Variants in EYS observed in about 807,000 individuals in gnomAD.
EYS encodes protein eyes shut homolog.
Under a neutral mutation model 282.1 loss-of-function variants are expected in EYS, and 250 were observed. That is an observed-to-expected ratio of 0.89 (90% CI 0.80 to 0.98). The LOEUF (loss-of-function observed/expected upper bound fraction) is 0.98. Ranked by LOEUF, EYS falls within the 50% of genes least tolerant of loss-of-function variation. EYS has a pLI of 0.00. For synonymous variants in EYS, 1,355 were observed against 1,282.9 expected (o/e 1.06, Z -1.20); for missense variants, 4,016 against 3,709.0 (o/e 1.08, Z -2.15).
At chr6:65,121,658 A>G (rs1490005891) in intron 12 of EYS, among the ~76,000 whole-genome samples, 1 of 152,170 alleles carries the variant, frequency 6.6e-6, no homozygotes, top group East Asian at 1.9e-4. Context: ...TTACTTTAGC[A>G]GTGAATGGCC....
intron 5 of EYS, among the ~76,000 whole-genome samples, chr6:65,481,933 T>C (rs1219693241): frequency 6.6e-6 from 1 of 152,108 alleles, no homozygotes; most frequent in East Asian, 1.9e-4. Context: ...CCAATAAATC[T>C]ATGGAGGATT....
chr6:65,019,136 A>G (rs1407612410), intron 13 of EYS, among the ~76,000 whole-genome samples: 3 of 152,172 alleles, frequency 2.0e-5, no homozygotes, highest in Non-Finnish European at 4.4e-5. Context: ...TTAGATTAAG[A>G]TAAACCCATT....
intron 36 of EYS, among the ~76,000 whole-genome samples, chr6:63,856,872 T>C (rs1308275781): frequency 6.6e-6 from 1 of 152,134 alleles, no homozygotes; most frequent in Non-Finnish European, 1.5e-5. Context: ...GAAATCCTGG[T>C]TTTGTTTGAG....
intron 2 of EYS, among the ~76,000 whole-genome samples, chr6:65,560,227 A>G (rs1768987889): frequency 6.9e-6 from 1 of 145,364 alleles, no homozygotes; most frequent in South Asian, 2.1e-4. Context: ...AAATATAATT[A>G]TAATATATTA....
At chr6:64,274,262 G>C (rs1441017023) in intron 30 of EYS, among the ~76,000 whole-genome samples, 2 of 152,052 alleles carry the variant, frequency 1.3e-5, no homozygotes, top group Admixed American at 1.3e-4. Context: ...TGCAACCTGT[G>C]TCTCCTGGGT....
intron 12 of EYS, among the ~76,000 whole-genome samples, chr6:65,254,540 A>T (rs1767410108): frequency 6.6e-6 from 1 of 151,916 alleles, no homozygotes; most frequent in African/African-American, 2.4e-5. Flanking sequence ...AAATTGATAG[A>T]CACAGAACTG....
In EYS at chr6:65,384,500, G is replaced by T; in HGVS notation, c.1185C>A (p.Ser395Arg). 6.9e-6 allele frequency: 10 copies of T among 1,444,868 alleles called. No individual in the cohort carries two copies. Among genetic ancestry groups the T allele is most frequent in the Non-Finnish European group, 7.8e-6 (8 of 1,029,136 alleles). The allele number at this position is 1,444,868 out of a possible 1,614,324, so 89.5% of individuals were successfully genotyped here. Reference protein sequence around the residue: ...CKKCEKDYPCSCISGFTEKNC... With the variant: ...CKKCEKDYPCRCISGFTEKNC... ...TTTTTTCAGTAAATCCTGATATACA[G>T]CTGTAAATACATCAGTGTAAATTAG... The change falls in exon 8 of 43, where the codon AGC becomes AGA. Residue 395 changes from serine to arginine, a missense_variant and splice_region_variant. Transcript: ENST00000503581.
intron 6 of EYS, among the ~76,000 whole-genome samples, chr6:65,404,856 C>T (rs933643683): frequency 2.0e-5 from 3 of 151,578 alleles, no homozygotes; most frequent in African/African-American, 4.8e-5. Context: ...GAAATATTTC[C>T]TACTCTTATT....
chr6:65,419,116 A>AT (rs35524186), intron 5 of EYS, among the ~76,000 whole-genome samples: 92 of 150,920 alleles, frequency 6.1e-4, no homozygotes, highest in Non-Finnish European at 1.1e-3. Flanking sequence ...TAAGGCAGTC[A>AT]TTTTTTTTTC....
chr6:65,138,420 G>T (rs1776083243), intron 12 of EYS, among the ~76,000 whole-genome samples: 1 of 151,894 alleles, frequency 6.6e-6, no homozygotes, highest in African/African-American at 2.4e-5. Flanking sequence ...GTAAAAATAA[G>T]AATTATTAAA....
intron 22 of EYS, among the ~76,000 whole-genome samples, chr6:64,701,431 A>G (rs1335138165): frequency 6.6e-6 from 1 of 152,100 alleles, no homozygotes; most frequent in Admixed American, 6.5e-5. Flanking sequence ...ATACTATGCA[A>G]CTGAATAGAG....
intron 13 of EYS, among the ~76,000 whole-genome samples, chr6:65,025,709 A>G (rs1772387996): frequency 6.6e-6 from 1 of 152,152 alleles, no homozygotes; most frequent in Admixed American, 6.5e-5. Flanking sequence ...GTGAGACATC[A>G]TCTCAAAAAA....
At chr6:63,990,310 G>C (rs189202073) in intron 34 of EYS, among the ~76,000 whole-genome samples, 161 of 151,698 alleles carry the variant, frequency 1.1e-3, no homozygotes, top group African/African-American at 3.6e-3. Flanking sequence ...TTAGAAAACA[G>C]TTAAGAGGGT....
intron 35 of EYS, among the ~76,000 whole-genome samples, chr6:63,972,566 G>A (rs1354251556): frequency 1.3e-5 from 2 of 151,934 alleles, no homozygotes; most frequent in Non-Finnish European, 2.9e-5. Context: ...TATACTTTAA[G>A]TTCCTGGATA....
intron 22 of EYS, among the ~76,000 whole-genome samples, chr6:64,635,368 G>T (rs531751228): frequency 6.6e-6 from 1 of 152,142 alleles, no homozygotes; most frequent in Non-Finnish European, 1.5e-5. Flanking sequence ...TGTTGAATAG[G>T]AGTGGTGAGA....
chr6:64,128,144 T>G (rs1271705756), intron 31 of EYS, among the ~76,000 whole-genome samples: 1 of 152,144 alleles, frequency 6.6e-6, no homozygotes, highest in African/African-American at 2.4e-5. Context: ...ACTTCTGATG[T>G]GTACAGAGCT....
intron 2 of EYS, among the ~76,000 whole-genome samples, chr6:65,639,493 A>G (rs547712295): frequency 6.6e-6 from 1 of 152,254 alleles, no homozygotes; most frequent in East Asian, 1.9e-4. Flanking sequence ...CCAAGGCCCA[A>G]ATAATGTTAT....
At chr6:65,185,483 A>G (rs1490069327) in intron 12 of EYS, among the ~76,000 whole-genome samples, 1 of 151,856 alleles carries the variant, frequency 6.6e-6, no homozygotes, top group African/African-American at 2.4e-5. Flanking sequence ...TACAGATTTG[A>G]AAATATGGAT....
At position 64,230,662 on chromosome 6, in the gene EYS, G is replaced by A. The variant is rs2150337958; in HGVS notation, c.6354C>T (p.Phe2118=). 1 of 1,551,598 alleles carries A rather than the reference G, an allele frequency of 6.4e-7. No individual in the cohort carries two copies. The highest frequency in any genetic ancestry group is 8.7e-7 in the Non-Finnish European group (1 of 1,146,898). Residue 2118 remains phenylalanine (F), a synonymous_variant, in exon 31 of 43, where the codon TTC becomes TTT. Transcript: ENST00000503581. ...CHNGGTCHAI[F]LSSGIVSFQC... Reference sequence around the variant, plus strand: ...GGAATGACACTATGCCACTGGAGAGGAAGATGGCATGGCATGTGCCTCCAT... The same window carrying A: ...GGAATGACACTATGCCACTGGAGAGAAAGATGGCATGGCATGTGCCTCCAT...
Sources: allele counts gnomAD v4.1 joint callset (sites outside exome capture counted in the v4.1 genomes callset), GRCh38; gene constraint gnomAD v4.1.1; transcripts MANE v1.5; gene names NCBI Gene and HGNC (gene_info 2026-07-23, HGNC 2026-07-21).